The following TCF4 variants were observed in gnomAD, a reference collection of about 807,000 sequenced individuals.
TCF4 encodes SL3-3 enhancer factor 2.
A neutral mutation model predicts 82.1 loss-of-function variants in TCF4; 3 were observed. That is an observed-to-expected ratio of 0.04 (90% CI 0.02 to 0.09). The LOEUF (loss-of-function observed/expected upper bound fraction) is 0.09. TCF4 is among the 10% of genes least tolerant of loss of function. The pLI, the probability that TCF4 is intolerant of heterozygous loss-of-function variation, is 1.00. For missense variants in TCF4, 518 were observed against 852.7 expected (o/e 0.61, Z 4.89); for synonymous variants, 276 against 309.6 (o/e 0.89, Z 1.14).
At chr18:55,527,987 A>C (rs1387565320) in intron 3 of TCF4, among the ~76,000 whole-genome samples, 2 of 152,216 alleles carry the variant, frequency 1.3e-5, no homozygotes, top group South Asian at 2.1e-4. Flanking sequence ...AGATATTTGT[A>C]CCTACTTGAA....
At chr18:55,631,208 C>A (rs1173170323) in intron 2 of TCF4, 3 of 557,546 alleles carry the variant, frequency 5.4e-6, no homozygotes, top group Admixed American at 5.4e-5. Context: ...TGCCACCATA[C>A]CCAGCTAATT....
Position 55,490,748 on chromosome 18 carries a change from C to T in TCF4, c.146-26611G>A, listed in dbSNP as rs558977606. Among the ~76,000 whole-genome samples, 92 of 152,242 alleles carry T rather than the reference C, an allele frequency of 6.0e-4. No individual in the cohort carries two copies. In the Middle Eastern group the frequency reaches 0.01, roughly 17 times the overall value. Reference sequence around the variant, plus strand: ...CTCCATAAGGCCAGAGAAAGGAATACGGAGATGACCTGACCATTCCACATA... The same window carrying T: ...CTCCATAAGGCCAGAGAAAGGAATATGGAGATGACCTGACCATTCCACATA... On this transcript the variant is annotated intron_variant, in intron 3 of 19. Coordinates refer to ENST00000354452, the MANE Select transcript of TCF4 (RefSeq NM_001083962.2).
Position 55,560,629 on chromosome 18 carries a change from T to A in TCF4, c.145+24651A>T, listed in dbSNP as rs1214054948. On this transcript the variant is annotated intron_variant, in intron 3 of 19. Coordinates refer to ENST00000354452, the MANE Select transcript of TCF4 (RefSeq NM_001083962.2). The stretch of plus-strand genomic sequence containing the variant: ...TCTACCAGTAAGAAGGCTTCTCTGA[T>A]CATGCCTAGCCATCTCTTTGAGGAA... 3.3e-5 allele frequency among the ~76,000 whole-genome samples: 5 copies of A among 152,366 alleles called. No homozygotes were observed. In the South Asian group the frequency reaches 8.3e-4, roughly 25 times the overall value.
At chr18:55,385,427 G>A (rs1411910821) in intron 6 of TCF4, among the ~76,000 whole-genome samples, 2 of 152,112 alleles carry the variant, frequency 1.3e-5, no homozygotes, top group African/African-American at 4.8e-5. Context: ...TTTGTTAGAT[G>A]GTTTCTCTCT....
intron 3 of TCF4, among the ~76,000 whole-genome samples, chr18:55,479,461 C>T (rs981273967): frequency 6.6e-6 from 1 of 152,200 alleles, no homozygotes; most frequent in African/African-American, 2.4e-5. Context: ...TCTCTTTCTG[C>T]CCGTGACCAC....
At chr18:55,407,687 A>G (rs2094161900) in intron 5 of TCF4, among the ~76,000 whole-genome samples, 1 of 150,942 alleles carries the variant, frequency 6.6e-6, no homozygotes, top group African/African-American at 2.4e-5. Flanking sequence ...TTGCTGATCT[A>G]TTCAACAATC....
At chr18:55,331,817 G>A (rs1012454758) in intron 8 of TCF4, among the ~76,000 whole-genome samples, 4 of 152,192 alleles carry the variant, frequency 2.6e-5, no homozygotes, top group South Asian at 2.1e-4. Context: ...ATCTGCTGAG[G>A]ATCAGGGATG....
intron 3 of TCF4, among the ~76,000 whole-genome samples, chr18:55,518,288 T>A (rs1041832991): frequency 7.2e-5 from 11 of 152,144 alleles, no homozygotes; most frequent in African/African-American, 2.7e-4. Flanking sequence ...GTAGAGCAAA[T>A]TTAGTTCTAT....
intron 11 of TCF4, among the ~76,000 whole-genome samples, chr18:55,264,100 C>T (rs537545825): frequency 4.0e-4 from 61 of 152,010 alleles, no homozygotes; most frequent in East Asian, 7.7e-4. Context: ...AAAAATCACA[C>T]GTTAGAAGAG....
intron 8 of TCF4, among the ~76,000 whole-genome samples, chr18:55,303,562 T>G (rs1015804033): frequency 2.0e-5 from 3 of 152,134 alleles, no homozygotes; most frequent in African/African-American, 7.2e-5. Flanking sequence ...CCAGAATTCT[T>G]TGTTAGAATT....
chr18:55,485,595 G>T (rs575699809), intron 3 of TCF4, among the ~76,000 whole-genome samples: 9 of 152,294 alleles, frequency 5.9e-5, no homozygotes, highest in African/African-American at 2.2e-4. Flanking sequence ...CACATGAATA[G>T]AATCAGCCAG....
At chr18:55,331,732 GT>G (rs2077604065) in intron 8 of TCF4, among the ~76,000 whole-genome samples, 1 of 152,204 alleles carries the variant, frequency 6.6e-6, no homozygotes, top group African/African-American at 2.4e-5. Context: ...ATGAGGACCT[GT>G]TCCCCTAGTT....
chr18:55,304,056 TAAGGA>T (rs1246394204), intron 8 of TCF4, among the ~76,000 whole-genome samples: 1 of 152,046 alleles, frequency 6.6e-6, no homozygotes, highest in Non-Finnish European at 1.5e-5. Context: ...TCCAAAGAGT[TAAGGA>T]AAGGATATTA....
chr18:55,572,956 G>A (rs2097488755), intron 3 of TCF4, among the ~76,000 whole-genome samples: 1 of 152,058 alleles, frequency 6.6e-6, no homozygotes, highest in Non-Finnish European at 1.5e-5. Flanking sequence ...GGGAAGCTGA[G>A]GCAGGAGAAT....
intron 3 of TCF4, among the ~76,000 whole-genome samples, chr18:55,533,756 C>T (rs900719958): frequency 1.1e-4 from 16 of 152,172 alleles, no homozygotes; most frequent in African/African-American, 3.4e-4. Context: ...CAGTACCAAT[C>T]ATTTTCTGGG....
chr18:55,361,501 T>C (rs1288141501), intron 6 of TCF4, among the ~76,000 whole-genome samples: 1 of 152,194 alleles, frequency 6.6e-6, no homozygotes, highest in Non-Finnish European at 1.5e-5. Flanking sequence ...CTCTGCACTT[T>C]TACAAAGGCT....
At chr18:55,337,348 T>C (rs114053854) in intron 8 of TCF4, among the ~76,000 whole-genome samples, 1,568 of 152,284 alleles carry the variant, frequency 0.01, 27 homozygotes, top group Middle Eastern at 0.037. Flanking sequence ...AGCAACCAGA[T>C]ATAATGAAAA....
chr18:55,290,787 T>C (rs990585637), intron 8 of TCF4, among the ~76,000 whole-genome samples: 92 of 152,100 alleles, frequency 6.0e-4, no homozygotes, highest in African/African-American at 2.2e-3. Flanking sequence ...AAGTCACACT[T>C]TGAAGAGTCG....
At chr18:55,612,720 G>A (rs1056744162) in intron 2 of TCF4, among the ~76,000 whole-genome samples, 21 of 152,036 alleles carry the variant, frequency 1.4e-4, no homozygotes, top group African/African-American at 3.6e-4. Flanking sequence ...GGCTGAGGCC[G>A]GCGGATCACC....
Sources: gnomAD v4.1 joint callset for allele counts (sites outside exome capture counted in the v4.1 genomes callset) on GRCh38, gnomAD v4.1.1 for gene constraint, MANE v1.5 for transcripts, NCBI Gene and HGNC (gene_info 2026-07-23, HGNC 2026-07-21) for gene names.